MYCBP2: variants seen among roughly 807,000 people sequenced by gnomAD.
The protein encoded by MYCBP2 is MYC binding protein 2.
Under a neutral mutation model 525.3 loss-of-function variants are expected in MYCBP2, and 120 were observed. That is an observed-to-expected ratio of 0.23 (90% CI 0.20 to 0.27). The LOEUF (loss-of-function observed/expected upper bound fraction) is 0.27. Ranked by LOEUF, MYCBP2 falls within the 10% of genes least tolerant of loss-of-function variation. The probability of loss-of-function intolerance (pLI) is 1.00; values close to 1 mark genes in which losing one functional copy is unlikely to be tolerated. For synonymous variants in MYCBP2, 1,894 were observed against 1,955.8 expected (o/e 0.97, Z 0.83); for missense variants, 4,149 against 5,657.1 (o/e 0.73, Z 8.55).
At chr13:77,203,010 C>T (rs1418050721) in intron 26 of MYCBP2, among the ~76,000 whole-genome samples, 1 of 151,408 alleles carries the variant, frequency 6.6e-6, no homozygotes, top group Non-Finnish European at 1.5e-5. Flanking sequence ...TCTCTCACCA[C>T]TCCTATTCAA....
chr13:77,078,701 T>C lies in MYCBP2; in HGVS notation c.11484+123A>G, dbSNP rs2042768566. 10 of 743,368 alleles carry C rather than the reference T, an allele frequency of 1.3e-5. No homozygotes were observed. The East Asian group carries it at 2.6e-4, about 19-fold the overall frequency. The allele number at this position is 743,368 out of a possible 1,614,324, so 46.0% of individuals were successfully genotyped here. ...TGGACCACTTGTCAATTTAGTGTTC[T>C]GTAAATAGATAATTCCCTATAATAC... On this transcript the variant is annotated intron_variant, in intron 66 of 82. Coordinates refer to ENST00000544440, the MANE Select transcript of MYCBP2 (RefSeq NM_015057.5).
intron 82 of MYCBP2, among the ~76,000 whole-genome samples, chr13:77,049,698 C>G (rs1010173383): frequency 6.6e-6 from 1 of 152,014 alleles, no homozygotes; most frequent in Non-Finnish European, 1.5e-5. Flanking sequence ...TGCAGTGGCG[C>G]AATCTTGGCT....
Position 77,211,210 on chromosome 13 carries a change from C to T in MYCBP2, c.3373G>A (p.Gly1125Arg). The change falls in exon 23 of 83, where the codon GGA becomes AGA. Residue 1125 changes from glycine to arginine, a missense_variant. By Grantham distance (125) the Gly-to-Arg change is moderately radical. Coordinates refer to ENST00000544440, the MANE Select transcript of MYCBP2 (RefSeq NM_015057.5). ...ACAGGATCAAGACACACACCAAATC[C>T]TTGCAGATCCTCTTGTTCTGAGTCA... ...FNDSEQEDLQ[G>R]FGVCLDPVYD... 6.6e-7 allele frequency: 1 copy of T among 1,525,794 alleles called. No homozygotes were observed. 94.5% of individuals were successfully genotyped at this position (1,525,794 alleles called of 1,614,324 possible). A position where few individuals can be genotyped will look rare whatever the true frequency, so the allele number is the denominator to read the frequency against.
Position 77,273,521 on chromosome 13 carries a change from A to G in MYCBP2, c.896T>C (p.Ile299Thr). The G allele has an allele frequency of 6.2e-7, 1 of 1,611,132 alleles. No individual in the cohort carries two copies. ...WGETGRTLQA[I>T]SAILTNNGSH... ...TCCATTGTTGGTGAGGATAGCAGAG[A>G]TGGCCTGAAGTGTCCTTCCTGTTTC... Residue 299 changes from isoleucine (I) to threonine (T), a missense_variant, in exon 5 of 83, where the codon ATC becomes ACC. Transcript: ENST00000544440.
chr13:77,323,169 G>A (rs568795477), intron 1 of MYCBP2, among the ~76,000 whole-genome samples: 2 of 152,290 alleles, frequency 1.3e-5, no homozygotes, highest in East Asian at 3.9e-4. Flanking sequence ...CTGAGGCATA[G>A]AAGTTATGTA....
rs752679168 is a variant in MYCBP2, at chr13:77,212,063, G to A, written c.3155C>T (p.Thr1052Ile). The change falls in exon 22 of 83, where the codon ACT becomes ATT. Residue 1052 changes from threonine to isoleucine, a missense_variant. Thr to Ile is a moderately conservative substitution (Grantham distance 89). Coordinates refer to ENST00000544440, the MANE Select transcript of MYCBP2 (RefSeq NM_015057.5). ...TTGGTCCCCACTTGCACCTATCCAA[G>A]TAGCTTTTCTTCCATATTTTGATCC... ...NIGSKYGRKA[T>I]WIGASGDQTF... 4 of 1,613,998 alleles carry A rather than the reference G, an allele frequency of 2.5e-6. No homozygotes were observed. The highest frequency in any genetic ancestry group is 2.5e-6 in the Non-Finnish European group (3 of 1,179,980).
At position 77,270,671 on chromosome 13, in the gene MYCBP2, A is replaced by G. The variant is rs1486200558; in HGVS notation, c.946-133T>C. 3.1e-6 allele frequency: 3 copies of G among 955,294 alleles called. No homozygotes were observed. The East Asian group carries it at 8.0e-5, about 26-fold the overall frequency. The allele number at this position is 955,294 out of a possible 1,614,324, so 59.2% of individuals were successfully genotyped here. On this transcript the variant is annotated intron_variant, in intron 5 of 82. Transcript: ENST00000544440. ...AGAATGATATTTCGCATGCCAGCAA[A>G]AAGTACCAACTAAAAGTTCATCTAT...
chr13:77,162,569 T>C (rs564436765), intron 43 of MYCBP2, among the ~76,000 whole-genome samples: 1 of 152,294 alleles, frequency 6.6e-6, no homozygotes, highest in African/African-American at 2.4e-5. Context: ...CTTAAAACTA[T>C]CCAGTGTCAA....
chr13:77,260,113 T>G (rs9544442), intron 13 of MYCBP2, among the ~76,000 whole-genome samples: 100,681 of 152,026 alleles, frequency 0.66, 34,239 homozygotes, highest in Non-Finnish European at 0.74. Flanking sequence ...AAATCACTTC[T>G]TCAGGATACT....
At chr13:77,231,623 T>G (rs2067143411) in intron 18 of MYCBP2, among the ~76,000 whole-genome samples, 1 of 152,244 alleles carries the variant, frequency 6.6e-6, no homozygotes, top group Admixed American at 6.5e-5. Flanking sequence ...TTGGTTTTCA[T>G]TTAACGTTTC....
At chr13:77,112,407 T>C (rs994198117) in intron 55 of MYCBP2, among the ~76,000 whole-genome samples, 6 of 147,492 alleles carry the variant, frequency 4.1e-5, no homozygotes, top group Non-Finnish European at 8.9e-5. Flanking sequence ...ATGTATTTTA[T>C]ATATTATATA....
chr13:77,318,493 C>T (rs971129105), intron 1 of MYCBP2, among the ~76,000 whole-genome samples: 1 of 152,218 alleles, frequency 6.6e-6, no homozygotes, highest in African/African-American at 2.4e-5. Context: ...CAGTGGCTCA[C>T]GCCTGTAATC....
chr13:77,244,091 G>A (rs761615440), intron 15 of MYCBP2, 140 bp from the exon 16 acceptor site: 81 of 929,766 alleles, frequency 8.7e-5, no homozygotes, highest in Non-Finnish European at 1.2e-4. Context: ...TTTAGATCAC[G>A]ATTGTTCATT....
intron 20 of MYCBP2, among the ~76,000 whole-genome samples, chr13:77,220,600 TA>T (rs1225805062): frequency 1.3e-5 from 2 of 152,180 alleles, no homozygotes; most frequent in African/African-American, 4.8e-5. Flanking sequence ...AGCTCTTGAT[TA>T]CTAGAGACTT....
In MYCBP2 at chr13:77,068,739, A is replaced by G. The variant is rs1387962453; in HGVS notation, c.11997T>C (p.Asn3999=). 6 of 1,614,108 alleles carry G rather than the reference A, an allele frequency of 3.7e-6. No homozygotes were observed. The Admixed American group carries it at 1.0e-4, about 27-fold the overall frequency. Residue 3999 remains asparagine (N), a synonymous_variant, in exon 70 of 83, where the codon AAT becomes AAC. Coordinates refer to ENST00000544440, the MANE Select transcript of MYCBP2 (RefSeq NM_015057.5). Reference sequence around the variant, plus strand: ...AGGCATCTTCATCATTTGGCTGAGAATTGGCATTTTCTTTGCTTGATATAG... The same window carrying G: ...AGGCATCTTCATCATTTGGCTGAGAGTTGGCATTTTCTTTGCTTGATATAG... ...EHAISSKENA[N]SQPNDEDASS...
In MYCBP2 at chr13:77,325,817, A is replaced by G. The variant is rs146766860; in HGVS notation, c.302+657T>C. On this transcript the variant is annotated intron_variant, in intron 1 of 82. Transcript: ENST00000544440. Reference sequence around the variant, plus strand: ...CCAAAAGGCCCGGTTATCAAAGTACAGCTCTAAAAATCTCTATCAGACACC... The same window carrying G: ...CCAAAAGGCCCGGTTATCAAAGTACGGCTCTAAAAATCTCTATCAGACACC... Among the ~76,000 whole-genome samples, 157 of 152,328 alleles carry G rather than the reference A, an allele frequency of 1.0e-3. 1 individual carries two copies. Among genetic ancestry groups the G allele is most frequent in the Middle Eastern group, 3.4e-3 (1 of 294 alleles).
At chr13:77,054,844 G>A (rs1370574485) in intron 80 of MYCBP2, among the ~76,000 whole-genome samples, 1 of 152,024 alleles carries the variant, frequency 6.6e-6, no homozygotes, top group Non-Finnish European at 1.5e-5. Flanking sequence ...CAAGAAATCT[G>A]CCCACCTTGG....
intron 47 of MYCBP2, among the ~76,000 whole-genome samples, chr13:77,147,540 GCAAACT>G (rs1226509603): frequency 2.0e-5 from 3 of 152,158 alleles, no homozygotes; most frequent in Admixed American, 2.0e-4. Flanking sequence ...GTAAAAGGAA[GCAAACT>G]CAAAGCCCCC....
chr13:77,168,990 T>C (rs1229977785), intron 39 of MYCBP2, among the ~76,000 whole-genome samples: 1 of 152,236 alleles, frequency 6.6e-6, no homozygotes, highest in African/African-American at 2.4e-5. Context: ...TTGCTATTGT[T>C]ATTAATGAAG....
Sources: gnomAD v4.1 joint callset for allele counts (sites outside exome capture counted in the v4.1 genomes callset) on GRCh38, gnomAD v4.1.1 for gene constraint, MANE v1.5 for transcripts, NCBI Gene and HGNC (gene_info 2026-07-23, HGNC 2026-07-21) for gene names.